The following TMBIM4 variants were observed in gnomAD, a reference collection of about 807,000 sequenced individuals.
TMBIM4 encodes the protein transmembrane BAX inhibitor motif containing 4, also known as protein lifeguard 4.
TMBIM4 carries 28 observed loss-of-function variants against 27.7 expected under a neutral mutation model. The observed-to-expected ratio is 1.01, with a 90% CI of 0.75 to 1.38. The LOEUF is 1.38. Ranked by LOEUF, TMBIM4 falls within the 40% of genes most tolerant of loss-of-function variation. The probability of loss-of-function intolerance (pLI) is 0.00; values close to 1 mark genes in which losing one functional copy is unlikely to be tolerated. For missense variants in TMBIM4, 265 were observed against 277.5 expected, an observed-to-expected ratio of 0.95 and a Z score of 0.32; for synonymous variants, 115 against 113.1, an observed-to-expected ratio of 1.02 and a Z score of -0.11.
At chr12:66,156,908 G>A (rs1424662414) in intron 1 of TMBIM4, among the ~76,000 whole-genome samples, 1 of 152,108 alleles carries the variant, frequency 6.6e-6, no homozygotes, top group Admixed American at 6.5e-5. Context: ...AAGTGGCAGG[G>A]TGCTACTTCT....
chr12:66,149,695 T>C (rs1431669577), intron 3 of TMBIM4, among the ~76,000 whole-genome samples: 3 of 152,122 alleles, frequency 2.0e-5, no homozygotes, highest in Non-Finnish European at 4.4e-5. Flanking sequence ...TACACCCCAC[T>C]GTAAGTTGAA....
At chr12:66,153,585 TA>T in intron 1 of TMBIM4, 137 bp from the exon 2 acceptor site, 1 of 460,166 alleles carries the variant, frequency 2.2e-6, no homozygotes. Flanking sequence ...AATGTATAAC[TA>T]AAACTAGACA....
At chr12:66,155,480 C>T (rs1190791892) in intron 1 of TMBIM4, among the ~76,000 whole-genome samples, 1 of 152,130 alleles carries the variant, frequency 6.6e-6, no homozygotes, top group East Asian at 1.9e-4. Context: ...GCTAGTACTA[C>T]AGGTGCATGC....
chr12:66,154,525 T>C, intron 1 of TMBIM4, among the ~76,000 whole-genome samples: 1 of 152,236 alleles, frequency 6.6e-6, no homozygotes, highest in Admixed American at 6.5e-5. Flanking sequence ...AAAAGTATTA[T>C]TCTGAAATGA....
intron 1 of TMBIM4, chr12:66,160,363 T>A (rs1490231388): frequency 1.7e-6 from 1 of 584,984 alleles, no homozygotes. Flanking sequence ...TCATTTCACT[T>A]CCAAAAATTT....
intron 1 of TMBIM4, among the ~76,000 whole-genome samples, chr12:66,154,176 C>T (rs181577998): frequency 3.9e-5 from 6 of 152,254 alleles, no homozygotes; most frequent in Admixed American, 3.9e-4. Flanking sequence ...CTGTGATATC[C>T]CTCTCCCTTC....
Position 66,152,834 on chromosome 12 carries a change from A to G in TMBIM4, c.207-458T>C, listed in dbSNP as rs2136866442. On this transcript the variant is annotated intron_variant, in intron 2 of 6. Transcript: ENST00000358230. Reference sequence around the variant, plus strand: ...AGGACAGAAATTCTCTACTTCTATGAAAATATTCATTAGTTCTCCTTTCCT... The same window carrying G: ...AGGACAGAAATTCTCTACTTCTATGGAAATATTCATTAGTTCTCCTTTCCT... Among the ~76,000 whole-genome samples, 2 of 152,124 alleles carry G rather than the reference A, an allele frequency of 1.3e-5. 1 individual carries two copies. Among genetic ancestry groups the G allele is most frequent in the South Asian group, 4.1e-4 (2 of 4,828 alleles).
chr12:66,157,089 A>G (rs756557470), intron 1 of TMBIM4, among the ~76,000 whole-genome samples: 3 of 152,170 alleles, frequency 2.0e-5, no homozygotes, highest in Non-Finnish European at 2.9e-5. Context: ...AATATACTAT[A>G]TATCTGTTGT....
chr12:66,158,568 G>A (rs189856134), intron 1 of TMBIM4, among the ~76,000 whole-genome samples: 41 of 151,758 alleles, frequency 2.7e-4, no homozygotes, highest in African/African-American at 7.3e-4. Context: ...CCAGGGAGTC[G>A]GAGGGAGTCA....
At chr12:66,146,847 G>T (rs957010772) in intron 4 of TMBIM4, among the ~76,000 whole-genome samples, 13 of 152,128 alleles carry the variant, frequency 8.5e-5, no homozygotes, top group Admixed American at 8.5e-4. Context: ...GATAAGACAT[G>T]AAGTCCATTT....
At chr12:66,158,644 C>CAAAAAAAAA (rs71434101) in intron 1 of TMBIM4, among the ~76,000 whole-genome samples, 1 of 109,430 alleles carries the variant, frequency 9.1e-6, no homozygotes, top group Non-Finnish European at 2.0e-5. Context: ...GACTCTGTCT[C>CAAAAAAAAA]AAAAAAAAAA....
rs754390908 is a variant in TMBIM4, at chr12:66,138,156, T to TA, written c.520dup (p.Tyr174LeufsTer2). 40,945 of 1,022,906 alleles carry TA rather than the reference T, an allele frequency of 0.04. No individual in the cohort carries two copies. Among genetic ancestry groups the TA allele is most frequent in the South Asian group, 0.05 (2,464 of 48,840 alleles). The allele number at this position is 1,022,906 out of a possible 1,614,324, so 63.4% of individuals were successfully genotyped here. On this transcript the variant is annotated frameshift_variant, in exon 7 of 7. Coordinates refer to ENST00000358230, the MANE Select transcript of TMBIM4 (RefSeq NM_016056.4). LOFTEE classifies it high-confidence loss of function. The stretch of plus-strand genomic sequence containing the variant: ...TAAGACCAACTCCATTATCTCACTA[T>TA]AAAAAAAAAACTATAGGGAAGAGAT...
chr12:66,160,208 T>A (rs1406464449), intron 1 of TMBIM4: 1 of 703,434 alleles, frequency 1.4e-6, no homozygotes, highest in Admixed American at 2.0e-5. Flanking sequence ...ATCTACCAGA[T>A]TGCCGGAGAT....
intron 1 of TMBIM4, among the ~76,000 whole-genome samples, chr12:66,155,558 C>T (rs750475745): frequency 1.3e-5 from 2 of 152,108 alleles, no homozygotes; most frequent in Non-Finnish European, 2.9e-5. Flanking sequence ...TCTTGAACCC[C>T]TGGGCTCAAG....
At chr12:66,160,129 T>C (rs1326612682) in intron 1 of TMBIM4, 2 of 696,182 alleles carry the variant, frequency 2.9e-6, no homozygotes, top group Admixed American at 2.0e-5. Context: ...CTGCAACAGA[T>C]ATCTTATGGC....
intron 1 of TMBIM4, chr12:66,161,044 G>C (rs12821415): frequency 6.8e-5 from 10 of 146,918 alleles, no homozygotes; most frequent in Admixed American, 2.0e-4. Context: ...TCAGTTGGAC[G>C]GCCGGGCAGA....
chr12:66,138,671 A>G, intron 6 of TMBIM4, 53 bp downstream of exon 6: 1 of 1,379,148 alleles, frequency 7.3e-7, no homozygotes, highest in African/African-American at 1.5e-5. Context: ...GAGGTTATTT[A>G]TATTGACACA....
intron 5 of TMBIM4, among the ~76,000 whole-genome samples, chr12:66,142,499 A>C (rs2051684167): frequency 6.6e-6 from 1 of 151,628 alleles, no homozygotes; most frequent in South Asian, 2.1e-4. Context: ...CAGTAATAAC[A>C]GTAGTATCAG....
rs1488358479 is a variant in TMBIM4, at chr12:66,137,158, A to T, written c.*802T>A. On this transcript the variant is annotated 3_prime_UTR_variant, in exon 7 of 7. Transcript: ENST00000358230. ...TCATTAACATTTTAATGTAATACTG[A>T]ATAATTCTCTGTGGAATTTATCTTT... is the stretch of plus-strand genomic sequence containing the variant. The T allele has an allele frequency of 6.6e-6, 1 of 152,242 alleles. No individual in the cohort carries two copies. The highest frequency in any genetic ancestry group is 6.5e-5 in the Admixed American group (1 of 15,286). 9.4% of individuals were successfully genotyped at this position (152,242 alleles called of 1,614,324 possible).
Sources: gnomAD v4.1 joint callset for allele counts (sites outside exome capture counted in the v4.1 genomes callset) on GRCh38, gnomAD v4.1.1 for gene constraint, MANE v1.5 for transcripts, NCBI Gene and HGNC (gene_info 2026-07-23, HGNC 2026-07-21) for gene names.